FBXO34: variants seen among roughly 807,000 people sequenced by gnomAD.
The protein encoded by FBXO34 is F-box protein 34.
FBXO34 carries 12 observed loss-of-function variants against 24.5 expected under a neutral mutation model. The observed-to-expected ratio is 0.49, with a 90% confidence interval of 0.31 to 0.79. The LOEUF is 0.79. Ranked by LOEUF, FBXO34 falls within the 30% of genes least tolerant of loss-of-function variation. FBXO34 has a pLI of 0.04. For missense variants in FBXO34, 823 were observed against 857.7 expected, an observed-to-expected ratio of 0.96 and a Z score of 0.51; for synonymous variants, 320 against 311.9, an observed-to-expected ratio of 1.03 and a Z score of -0.27.
chr14:55,302,453 GTTTTTTTTTTT>G (rs796083398), intron 1 of FBXO34, among the ~76,000 whole-genome samples: 139 of 133,472 alleles, frequency 1.0e-3, no homozygotes, highest in African/African-American at 3.7e-3. Flanking sequence ...CCTCTTTTTT[GTTTTTTTTTTT>G]TTTTTTAATT....
At chr14:55,406,756 G>T in the FBXO34 span, among the ~76,000 whole-genome samples, 72 of 152,200 alleles carry the variant, frequency 4.7e-4, no homozygotes, top group Non-Finnish European at 1.0e-3. Flanking sequence ...CTGGAAAAGA[G>T]AAAGATGGAG....
the FBXO34 span, among the ~76,000 whole-genome samples, chr14:55,397,011 A>G: frequency 1.3e-5 from 2 of 152,206 alleles, no homozygotes; most frequent in African/African-American, 4.8e-5. Flanking sequence ...AAATACTGAT[A>G]TGGACAAAAG....
intron 1 of FBXO34, among the ~76,000 whole-genome samples, chr14:55,311,331 ATGTGGGGAT>A (rs1307023092): frequency 6.6e-6 from 1 of 152,180 alleles, no homozygotes; most frequent in Non-Finnish European, 1.5e-5. Context: ...CTCCCTTGAC[ATGTGGGGAT>A]TATGGGGATT....
downstream of FBXO34, among the ~76,000 whole-genome samples, chr14:55,374,225 T>TA (rs1884877865): frequency 6.6e-6 from 1 of 151,944 alleles, no homozygotes; most frequent in Non-Finnish European, 1.5e-5. Flanking sequence ...TGTTTTTTTT[T>TA]AAAGAGATGG....
chr14:55,395,950 G>T, the FBXO34 span: 2 of 1,595,204 alleles, frequency 1.3e-6, no homozygotes, highest in Non-Finnish European at 1.7e-6. Context: ...CAACTGATCT[G>T]TTATCCATTT....
the FBXO34 span, among the ~76,000 whole-genome samples, chr14:55,405,705 T>C: frequency 6.6e-6 from 1 of 152,234 alleles, no homozygotes; most frequent in Non-Finnish European, 1.5e-5. Flanking sequence ...ACATAATCCA[T>C]ACAGTTCTGT....
the FBXO34 span, chr14:55,429,050 T>A: frequency 6.6e-7 from 1 of 1,515,868 alleles, no homozygotes; most frequent in Non-Finnish European, 9.0e-7. Context: ...ATTGGATTGT[T>A]ACCATTTGTA....
At chr14:55,321,162 C>T (rs1395470919) in intron 1 of FBXO34, among the ~76,000 whole-genome samples, 8 of 120,082 alleles carry the variant, frequency 6.7e-5, no homozygotes, top group African/African-American at 1.8e-4. Flanking sequence ...CTGATATGGG[C>T]GGTTTTTTTT....
At chr14:55,408,137 A>C in the FBXO34 span, among the ~76,000 whole-genome samples, 1 of 152,304 alleles carries the variant, frequency 6.6e-6, no homozygotes, top group East Asian at 1.9e-4. Context: ...CATTTACAAA[A>C]TGAAATAAAC....
At chr14:55,358,918 G>A (rs1407737962) in intron 3 of FBXO34, among the ~76,000 whole-genome samples, 12 of 152,118 alleles carry the variant, frequency 7.9e-5, no homozygotes, top group Non-Finnish European at 1.6e-4. Context: ...GGTGATTGTG[G>A]TTGGGATGAT....
intron 1 of FBXO34, among the ~76,000 whole-genome samples, chr14:55,283,568 G>A (rs779607697): frequency 6.6e-6 from 1 of 151,102 alleles, no homozygotes; most frequent in Non-Finnish European, 1.5e-5. Flanking sequence ...GGGTTCAAGC[G>A]ATTCTCCTGC....
chr14:55,356,776 TG>T (rs1404272088), downstream of FBXO34, among the ~76,000 whole-genome samples: 1 of 152,036 alleles, frequency 6.6e-6, no homozygotes, highest in East Asian at 1.9e-4. Context: ...TTTTTTGAGA[TG>T]GGGGTCTCTC....
chr14:55,334,438 G>C (rs930586150), intron 1 of FBXO34, among the ~76,000 whole-genome samples: 5 of 150,858 alleles, frequency 3.3e-5, no homozygotes, highest in Non-Finnish European at 7.4e-5. Flanking sequence ...AGACAGGGTA[G>C]AACCTGGGAA....
At chr14:55,329,035 A>G (rs902270292) in intron 1 of FBXO34, among the ~76,000 whole-genome samples, 3 of 151,704 alleles carry the variant, frequency 2.0e-5, no homozygotes, top group Admixed American at 6.6e-5. Context: ...GTATCAATCA[A>G]TCCTGTTGCA....
chr14:55,425,154 G>A, the FBXO34 span, among the ~76,000 whole-genome samples: 1 of 152,312 alleles, frequency 6.6e-6, no homozygotes, highest in East Asian at 1.9e-4. Context: ...CCAGAAAGGC[G>A]CATCTTGAAG....
At chr14:55,320,581 C>T (rs1050583977) in intron 1 of FBXO34, among the ~76,000 whole-genome samples, 2 of 152,134 alleles carry the variant, frequency 1.3e-5, no homozygotes, top group African/African-American at 2.4e-5. Context: ...GAAACCCCGT[C>T]TCTACTAAAA....
At chr14:55,402,802 G>A in the FBXO34 span, among the ~76,000 whole-genome samples, 1 of 136,296 alleles carries the variant, frequency 7.3e-6, no homozygotes, top group Non-Finnish European at 1.5e-5. Context: ...GCTCACACCT[G>A]TAATCTCAAC....
intron 1 of FBXO34, among the ~76,000 whole-genome samples, chr14:55,313,900 T>C (rs1882837729): frequency 6.6e-6 from 1 of 152,096 alleles, no homozygotes; most frequent in Non-Finnish European, 1.5e-5. Context: ...ATATCACATA[T>C]ACTAGAAACT....
At chr14:55,391,863 T>C in the FBXO34 span, among the ~76,000 whole-genome samples, 1 of 152,198 alleles carries the variant, frequency 6.6e-6, no homozygotes, top group Non-Finnish European at 1.5e-5. Context: ...TGCAAGTTAA[T>C]AAAAATGGCA....
Sources: gnomAD v4.1 joint callset for allele counts (sites outside exome capture counted in the v4.1 genomes callset) on GRCh38, gnomAD v4.1.1 for gene constraint, MANE v1.5 for transcripts, NCBI Gene and HGNC (gene_info 2026-07-23, HGNC 2026-07-21) for gene names.